ADARB2: variants seen among roughly 807,000 people sequenced by gnomAD.
ADARB2 encodes adenosine deaminase RNA specific B2 (inactive), also known as inactive double-stranded RNA-specific editase B2.
A neutral mutation model predicts 62.2 loss-of-function variants in ADARB2; 25 were observed. The observed-to-expected ratio is 0.40, with a 90% CI of 0.29 to 0.56. ADARB2 has a LOEUF of 0.56. Ranked by LOEUF, ADARB2 falls within the 20% of genes least tolerant of loss-of-function variation. The probability of loss-of-function intolerance (pLI) is 0.43; values close to 1 mark genes in which losing one functional copy is unlikely to be tolerated. For synonymous variants in ADARB2, 572 were observed against 500.8 expected, an observed-to-expected ratio of 1.14 and a Z score of -1.90; for missense variants, 1,071 against 1,077.4, an observed-to-expected ratio of 0.99 and a Z score of 0.08.
intron 1 of ADARB2, among the ~76,000 whole-genome samples, chr10:1,528,123 G>C (rs937449194): frequency 1.1e-4 from 16 of 152,298 alleles, no homozygotes; most frequent in African/African-American, 3.4e-4. Flanking sequence ...CGACAAACTC[G>C]TGTCCGCGGC....
At chr10:1,572,454 G>A (rs758722031) in intron 1 of ADARB2, among the ~76,000 whole-genome samples, 3 of 152,176 alleles carry the variant, frequency 2.0e-5, no homozygotes, top group Non-Finnish European at 4.4e-5. Context: ...GGAACTGACG[G>A]TGGGTGCCCT....
At chr10:1,735,414 T>C (rs181241502) in intron 1 of ADARB2, among the ~76,000 whole-genome samples, 40 of 152,346 alleles carry the variant, frequency 2.6e-4, no homozygotes, top group Non-Finnish European at 4.0e-4. Flanking sequence ...TTTCCTCCTG[T>C]TTATATTTAT....
chr10:1,586,186 C>T (rs1233683927), intron 1 of ADARB2, among the ~76,000 whole-genome samples: 2 of 152,210 alleles, frequency 1.3e-5, no homozygotes, highest in Non-Finnish European at 2.9e-5. Flanking sequence ...TGAGACCTGT[C>T]TCAGGTATTT....
chr10:1,659,164 G>A (rs1244410036), intron 1 of ADARB2, among the ~76,000 whole-genome samples: 1 of 152,180 alleles, frequency 6.6e-6, no homozygotes, highest in Non-Finnish European at 1.5e-5. Flanking sequence ...GGGACTGGAG[G>A]GAAAAAGTCA....
At chr10:1,378,603 G>C (rs1356955545) in intron 2 of ADARB2, among the ~76,000 whole-genome samples, 1 of 152,128 alleles carries the variant, frequency 6.6e-6, no homozygotes, top group Non-Finnish European at 1.5e-5. Flanking sequence ...CTGCAGGTGA[G>C]GATGGGACTG....
chr10:1,435,310 CAAGG>C (rs1288817000), intron 1 of ADARB2, among the ~76,000 whole-genome samples: 2 of 152,170 alleles, frequency 1.3e-5, no homozygotes, highest in African/African-American at 4.8e-5. Context: ...AAAATGAACT[CAAGG>C]GAGGGTGTGA....
At chr10:1,643,388 G>A (rs1834001008) in intron 1 of ADARB2, among the ~76,000 whole-genome samples, 1 of 152,186 alleles carries the variant, frequency 6.6e-6, no homozygotes, top group Admixed American at 6.5e-5. Flanking sequence ...TACCAGATGA[G>A]GCAACTTCCA....
At chr10:1,563,326 C>T (rs565579189) in intron 1 of ADARB2, among the ~76,000 whole-genome samples, 38 of 152,148 alleles carry the variant, frequency 2.5e-4, no homozygotes, top group Non-Finnish European at 4.9e-4. Flanking sequence ...ACAAGATCTC[C>T]CACACCCTTT....
chr10:1,735,432 A>C (rs1182469625), intron 1 of ADARB2, among the ~76,000 whole-genome samples: 2 of 152,226 alleles, frequency 1.3e-5, no homozygotes, highest in Non-Finnish European at 2.9e-5. Context: ...TATAAAATGC[A>C]TTATTGCGAA....
chr10:1,498,421 A>G (rs1171743515), intron 1 of ADARB2, among the ~76,000 whole-genome samples: 1 of 151,868 alleles, frequency 6.6e-6, no homozygotes, highest in Non-Finnish European at 1.5e-5. Context: ...TAATTTTTTT[A>G]AAAACAAAGG....
At chr10:1,627,201 G>T (rs1326300933) in intron 1 of ADARB2, among the ~76,000 whole-genome samples, 1 of 151,894 alleles carries the variant, frequency 6.6e-6, no homozygotes, top group Non-Finnish European at 1.5e-5. Context: ...CACAAGAAGG[G>T]GCTTGACGAG....
At chr10:1,241,529 G>T (rs1430398947) in intron 5 of ADARB2, among the ~76,000 whole-genome samples, 1 of 152,160 alleles carries the variant, frequency 6.6e-6, no homozygotes, top group Non-Finnish European at 1.5e-5. Flanking sequence ...GGCCCAGCCT[G>T]GGGGTGTGTC....
At chr10:1,325,918 G>C (rs896126384) in intron 3 of ADARB2, among the ~76,000 whole-genome samples, 3 of 151,440 alleles carry the variant, frequency 2.0e-5, no homozygotes, top group African/African-American at 7.4e-5. Flanking sequence ...TGATTCTCCT[G>C]TTTAAACTCC....
At chr10:1,503,208 G>A (rs565253579) in intron 1 of ADARB2, among the ~76,000 whole-genome samples, 3 of 152,258 alleles carry the variant, frequency 2.0e-5, no homozygotes, top group Admixed American at 2.0e-4. Context: ...CTTTCGTGAA[G>A]GGATTTTTTT....
chr10:1,298,346 T>G (rs1432816851), intron 3 of ADARB2, among the ~76,000 whole-genome samples: 1 of 152,122 alleles, frequency 6.6e-6, no homozygotes, highest in African/African-American at 2.4e-5. Flanking sequence ...TTTTTTGGAG[T>G]GGCTGGACTT....
chr10:1,462,820 T>C (rs1015214529), intron 1 of ADARB2, among the ~76,000 whole-genome samples: 1 of 152,062 alleles, frequency 6.6e-6, no homozygotes, highest in African/African-American at 2.4e-5. Context: ...TGTGTCTGTG[T>C]GTAGTGTGCA....
At chr10:1,412,209 G>A (rs527570436) in intron 1 of ADARB2, among the ~76,000 whole-genome samples, 1 of 152,266 alleles carries the variant, frequency 6.6e-6, no homozygotes, top group East Asian at 1.9e-4. Context: ...CATCCTGCGA[G>A]CCCGGAGACC....
intron 6 of ADARB2, 136 bp from the exon 7 acceptor site, chr10:1,217,255 T>C: frequency 1.1e-6 from 1 of 920,820 alleles, no homozygotes; most frequent in East Asian, 3.0e-5. Context: ...AGGAAGGGGC[T>C]TCAGAAATAA....
At chr10:1,348,328 G>A (rs1469122710) in intron 3 of ADARB2, among the ~76,000 whole-genome samples, 1 of 152,200 alleles carries the variant, frequency 6.6e-6, no homozygotes, top group African/African-American at 2.4e-5. Context: ...TCTGGGATGT[G>A]GGTTTCCTGG....
Sources: allele counts gnomAD v4.1 joint callset (sites outside exome capture counted in the v4.1 genomes callset), GRCh38; gene constraint gnomAD v4.1.1; transcripts MANE v1.5; gene names NCBI Gene and HGNC (gene_info 2026-07-23, HGNC 2026-07-21).